The following CGNL1 variants were observed in gnomAD, a reference collection of about 807,000 sequenced individuals.
CGNL1 encodes cingulin-like protein 1.
CGNL1 carries 132 observed loss-of-function variants against 141.2 expected under a neutral mutation model. That is an observed-to-expected ratio of 0.93 (90% CI 0.81 to 1.08). The LOEUF (loss-of-function observed/expected upper bound fraction) is 1.08, where lower values mean the gene tolerates loss of function less well. Among genes scored for constraint, CGNL1 ranks in the 50% least tolerant of loss-of-function variants. The pLI is 0.00. For missense variants in CGNL1, 1,870 were observed against 1,588.6 expected (o/e 1.18, Z -3.01); for synonymous variants, 690 against 622.1 (o/e 1.11, Z -1.63).
At chr15:57,419,492 T>A (rs1209305191) in intron 1 of CGNL1, among the ~76,000 whole-genome samples, 1 of 152,226 alleles carries the variant, frequency 6.6e-6, no homozygotes, top group Non-Finnish European at 1.5e-5. Flanking sequence ...TTAGTTGTCA[T>A]GTCTTGGCTG....
At chr15:57,544,217 T>C (rs2032725076) in intron 15 of CGNL1, among the ~76,000 whole-genome samples, 1 of 152,200 alleles carries the variant, frequency 6.6e-6, no homozygotes, top group Admixed American at 6.5e-5. Flanking sequence ...CCGGGAGTCT[T>C]AGGACATGGC....
At chr15:57,483,316 G>A (rs184553097) in intron 8 of CGNL1, among the ~76,000 whole-genome samples, 348 of 152,282 alleles carry the variant, frequency 2.3e-3, no homozygotes, top group Non-Finnish European at 4.0e-3. Flanking sequence ...TAATGTTTTT[G>A]AGTGATTATA....
At chr15:57,521,218 T>C (rs2031233987) in intron 10 of CGNL1, among the ~76,000 whole-genome samples, 1 of 152,206 alleles carries the variant, frequency 6.6e-6, no homozygotes, top group South Asian at 2.1e-4. Context: ...AGCAGTGACC[T>C]ATTGGAACAT....
At chr15:57,475,128 T>C (rs1786691687) in intron 8 of CGNL1, among the ~76,000 whole-genome samples, 1 of 152,122 alleles carries the variant, frequency 6.6e-6, no homozygotes, top group African/African-American at 2.4e-5. Context: ...CCCAACTGTG[T>C]TGCCCCCTTC....
intron 1 of CGNL1, among the ~76,000 whole-genome samples, chr15:57,380,884 C>T (rs2062416996): frequency 6.6e-6 from 1 of 152,170 alleles, no homozygotes; most frequent in Non-Finnish European, 1.5e-5. Flanking sequence ...ATGCAAAGTG[C>T]AGTGTGAAAG....
At chr15:57,494,020 T>C (rs1366144089) in intron 8 of CGNL1, among the ~76,000 whole-genome samples, 1 of 152,148 alleles carries the variant, frequency 6.6e-6, no homozygotes, top group Non-Finnish European at 1.5e-5. Context: ...CCCCAGTACC[T>C]AGAAGAATGA....
At chr15:57,484,978 TA>T (rs1489276668) in intron 8 of CGNL1, among the ~76,000 whole-genome samples, 9 of 152,086 alleles carry the variant, frequency 5.9e-5, no homozygotes, top group Admixed American at 5.9e-4. Flanking sequence ...TTCTGTTCTT[TA>T]TTATTTCTTT....
intron 8 of CGNL1, among the ~76,000 whole-genome samples, chr15:57,484,793 G>A (rs1274413766): frequency 1.3e-5 from 2 of 152,090 alleles, no homozygotes; most frequent in Admixed American, 1.3e-4. Flanking sequence ...CCACTTATGA[G>A]TGAGAACATG....
chr15:57,393,732 C>T (rs1285157047), intron 1 of CGNL1, among the ~76,000 whole-genome samples: 2 of 152,082 alleles, frequency 1.3e-5, no homozygotes, highest in East Asian at 1.9e-4. Context: ...AAATGTCATG[C>T]TTACTTGACA....
At chr15:57,402,848 C>A (rs1228815689) in intron 1 of CGNL1, 2 of 152,110 alleles carry the variant, frequency 1.3e-5, no homozygotes, top group East Asian at 1.9e-4. Flanking sequence ...GCCATCTCAC[C>A]CCCCAGGAAG....
intron 8 of CGNL1, among the ~76,000 whole-genome samples, chr15:57,480,072 A>G (rs2063706414): frequency 6.6e-6 from 1 of 152,216 alleles, no homozygotes; most frequent in Non-Finnish European, 1.5e-5. Context: ...TTGCAGTATT[A>G]GCAGTATGTG....
rs769362544 is a variant in CGNL1 at position 57,399,685 on chromosome 15, C to T, written c.-16+23118C>T. Among the ~76,000 whole-genome samples, 9 of 151,794 alleles carry T rather than the reference C, an allele frequency of 5.9e-5. No homozygotes were observed. The South Asian group carries it at 6.2e-4, about 11-fold the overall frequency. ...AGTAAAGATCTCTGAGTTTTGTCTT[C>T]GGAGCGGAGTATGGAATCTGTCCAT... On this transcript the variant is annotated intron_variant, in intron 1 of 18. Coordinates refer to ENST00000281282, the MANE Select transcript of CGNL1 (RefSeq NM_032866.5).
chr15:57,394,866 C>G (rs1264211331), intron 1 of CGNL1, among the ~76,000 whole-genome samples: 1 of 152,202 alleles, frequency 6.6e-6, no homozygotes, highest in Non-Finnish European at 1.5e-5. Flanking sequence ...AATCCCAGTA[C>G]TTTGGGAGGC....
chr15:57,542,615 T>C (rs1341848044), intron 14 of CGNL1, among the ~76,000 whole-genome samples: 2 of 152,068 alleles, frequency 1.3e-5, no homozygotes, highest in African/African-American at 4.8e-5. Flanking sequence ...TACTGACTTT[T>C]GTTTCTGGCA....
At chr15:57,499,025 C>G (rs1343000515) in intron 8 of CGNL1, among the ~76,000 whole-genome samples, 2 of 152,072 alleles carry the variant, frequency 1.3e-5, no homozygotes, top group Admixed American at 6.6e-5. Flanking sequence ...GTGACATGAT[C>G]TGATTTGGGA....
intron 8 of CGNL1, among the ~76,000 whole-genome samples, chr15:57,470,416 G>T (rs1208393876): frequency 2.0e-5 from 3 of 152,036 alleles, no homozygotes; most frequent in African/African-American, 7.2e-5. Context: ...CCATTCTGTG[G>T]CTGTGATCCC....
intron 1 of CGNL1, among the ~76,000 whole-genome samples, chr15:57,390,113 G>A (rs753198777): frequency 8.5e-5 from 13 of 152,170 alleles, no homozygotes; most frequent in Non-Finnish European, 1.8e-4. Context: ...ACCGCACCTG[G>A]CCCCAGATCC....
rs567302048 is a variant in CGNL1, at chr15:57,430,809, C to T, written c.-15-7176C>T. ...ATCTTGGCTCACTGCAACCTCCACC[C>T]CCAGGGTTCAAGTGATTCTCCCTGC... On this transcript the variant is annotated intron_variant, in intron 1 of 18. Transcript: ENST00000281282. Among the ~76,000 whole-genome samples, 33 of 152,218 alleles carry T rather than the reference C, an allele frequency of 2.2e-4. No individual in the cohort carries two copies. The South Asian group carries it at 6.8e-3, about 32-fold the overall frequency.
At chr15:57,503,295 G>A (rs756977407) in intron 8 of CGNL1, among the ~76,000 whole-genome samples, 2 of 152,200 alleles carry the variant, frequency 1.3e-5, no homozygotes, top group Admixed American at 6.5e-5. Context: ...ACCCAAGAGG[G>A]CTTCTCAAAA....
Sources: allele counts gnomAD v4.1 joint callset (sites outside exome capture counted in the v4.1 genomes callset), GRCh38; gene constraint gnomAD v4.1.1; transcripts MANE v1.5; gene names NCBI Gene and HGNC (gene_info 2026-07-23, HGNC 2026-07-21).